TENM2: variants seen among roughly 807,000 people sequenced by gnomAD.
TENM2 encodes teneurin-2.
A neutral mutation model predicts 245.2 loss-of-function variants in TENM2; 52 were observed. The ratio of observed to expected loss-of-function variants is 0.21; its 90% CI spans 0.17 to 0.27. The LOEUF is 0.27. TENM2 is among the 10% of genes least tolerant of loss of function. TENM2 has a pLI of 1.00. For missense variants in TENM2, 3,046 were observed against 3,666.8 expected (o/e 0.83, Z 4.37); for synonymous variants, 1,363 against 1,438.9 (o/e 0.95, Z 1.19).
intron 1 of TENM2, among the ~76,000 whole-genome samples, chr5:167,355,761 A>G (rs1759265946): frequency 6.6e-6 from 1 of 152,190 alleles, no homozygotes; most frequent in Non-Finnish European, 1.5e-5. Context: ...TCAATAGAGA[A>G]CAATTGTCAG....
chr5:167,638,462 G>T (rs1357045148), intron 2 of TENM2, among the ~76,000 whole-genome samples: 2 of 152,134 alleles, frequency 1.3e-5, no homozygotes, highest in Non-Finnish European at 2.9e-5. Flanking sequence ...GTGAGTAAGA[G>T]AAAACTACTG....
intron 4 of TENM2, 103 bp from the exon 7 acceptor site, chr5:167,992,841 T>A (rs1035668433): frequency 2.4e-6 from 2 of 819,740 alleles, no homozygotes; most frequent in African/African-American, 1.7e-5. Context: ...CTTAGTTAAC[T>A]AGGATTATGC....
At chr5:168,148,330 C>T (rs1365254052) in intron 12 of TENM2, among the ~76,000 whole-genome samples, 4 of 152,152 alleles carry the variant, frequency 2.6e-5, no homozygotes, top group Non-Finnish European at 5.9e-5. Flanking sequence ...AAGAGTGGCA[C>T]CTAACAAAAG....
At chr5:168,102,726 G>A (rs1313307842) in intron 9 of TENM2, among the ~76,000 whole-genome samples, 1 of 152,134 alleles carries the variant, frequency 6.6e-6, no homozygotes, top group African/African-American at 2.4e-5. Flanking sequence ...AAAATCCAAT[G>A]ATTAGCACTG....
chr5:168,218,614 C>A lies in TENM2; in HGVS notation c.4723C>A (p.Pro1575Thr), dbSNP rs752993443. ...GATCAGGGCGGTCAGCAAGAACAAG[C>A]CTGTTCTTAATGCCTTCAACCAGTA... Residue 1575 changes from proline to threonine, a missense_variant, in exon 23 of 29, where the codon CCT (proline) becomes ACT (threonine). By Grantham distance (38) the Pro-to-Thr change is conservative (BLOSUM62 -1). Transcript: ENST00000518659. The surrounding 1 kb of genome is among the most constrained non-coding windows in gnomAD (Gnocchi z 5.2). 6.2e-7 allele frequency: 1 copy of A among 1,613,982 alleles called. No individual in the cohort carries two copies. Among genetic ancestry groups the A allele is most frequent in the Non-Finnish European group, 8.5e-7 (1 of 1,179,896 alleles).
intron 9 of TENM2, among the ~76,000 whole-genome samples, chr5:168,100,017 G>C (rs1182312923): frequency 6.6e-6 from 1 of 152,094 alleles, no homozygotes; most frequent in Non-Finnish European, 1.5e-5. Flanking sequence ...TCATGATTTG[G>C]CTCTCTGTTT....
chr5:167,825,316 G>C (rs1767875994), intron 2 of TENM2, among the ~76,000 whole-genome samples: 1 of 151,758 alleles, frequency 6.6e-6, no homozygotes, highest in Non-Finnish European at 1.5e-5. Context: ...TTCTTGGTGG[G>C]GTTTTTTTAT....
intron 2 of TENM2, among the ~76,000 whole-genome samples, chr5:167,543,598 G>A (rs546161675): frequency 1.3e-5 from 2 of 152,246 alleles, no homozygotes; most frequent in African/African-American, 2.4e-5. Context: ...TAGAGCAACT[G>A]CAACAAAGTA....
chr5:167,491,094 G>C (rs896109707), intron 2 of TENM2, among the ~76,000 whole-genome samples: 1 of 152,162 alleles, frequency 6.6e-6, no homozygotes, highest in Non-Finnish European at 1.5e-5. Flanking sequence ...CACTCTCTCA[G>C]ACAGATGGAA....
intron 2 of TENM2, among the ~76,000 whole-genome samples, chr5:167,589,775 A>G (rs1324767690): frequency 6.6e-6 from 1 of 151,896 alleles, no homozygotes; most frequent in Non-Finnish European, 1.5e-5. Context: ...ATTAAATAGC[A>G]CTCAAAAACT....
At chr5:167,321,813 CGGGGGGGGGGGT>C (rs1290654684) in intron 1 of TENM2, among the ~76,000 whole-genome samples, 2 of 3,582 alleles carry the variant, frequency 5.6e-4, no homozygotes, top group Non-Finnish European at 1.0e-3. Flanking sequence ...GGGGGGGGGG[CGGGGGGGGGGGT>C]GGATGGAGTC....
At chr5:168,193,978 G>T (rs577635637) in intron 14 of TENM2, among the ~76,000 whole-genome samples, 3 of 152,340 alleles carry the variant, frequency 2.0e-5, no homozygotes, top group Non-Finnish European at 4.4e-5. Context: ...GATCATCAAA[G>T]GGTTGGAGTT....
chr5:167,363,730 CAAAAA>C (rs10659741), intron 1 of TENM2, among the ~76,000 whole-genome samples: 2 of 89,344 alleles, frequency 2.2e-5, no homozygotes, highest in African/African-American at 8.9e-5. Context: ...GACTCCATCT[CAAAAA>C]AAAAAAAAAA....
chr5:167,350,212 CCTT>C (rs1758738360), intron 1 of TENM2, among the ~76,000 whole-genome samples: 1 of 152,064 alleles, frequency 6.6e-6, no homozygotes, highest in Non-Finnish European at 1.5e-5. Context: ...CCCTGGTCCT[CCTT>C]GTTTGATACA....
chr5:167,160,829 A>C, the TENM2 span, among the ~76,000 whole-genome samples: 1 of 152,238 alleles, frequency 6.6e-6, no homozygotes, highest in South Asian at 2.1e-4. Context: ...GCTAACACAG[A>C]ACCTAGAACA....
the TENM2 span, among the ~76,000 whole-genome samples, chr5:167,096,659 C>G: frequency 6.6e-6 from 1 of 152,202 alleles, no homozygotes; most frequent in African/African-American, 2.4e-5. Flanking sequence ...TCTGTGTTCT[C>G]TGAATTCCAG....
At chr5:167,002,014 T>G in the TENM2 span, among the ~76,000 whole-genome samples, 1 of 152,312 alleles carries the variant, frequency 6.6e-6, no homozygotes, top group South Asian at 2.1e-4. Context: ...ATTCTATTAT[T>G]CACCATAATA....
At chr5:168,212,406 G>T (rs758037044) in intron 20 of TENM2, among the ~76,000 whole-genome samples, 1 of 152,158 alleles carries the variant, frequency 6.6e-6, no homozygotes, top group Non-Finnish European at 1.5e-5. Flanking sequence ...ACACATACAC[G>T]TGCATTCACA....
At chr5:167,781,934 G>A (rs945352320) in intron 2 of TENM2, among the ~76,000 whole-genome samples, 1 of 151,696 alleles carries the variant, frequency 6.6e-6, no homozygotes, top group South Asian at 2.1e-4. Flanking sequence ...AATTGAGCAT[G>A]GGAGGTCAAG....
Sources: allele counts gnomAD v4.1 joint callset (sites outside exome capture counted in the v4.1 genomes callset), GRCh38; gene constraint gnomAD v4.1.1; non-coding constraint Gnocchi (gnomAD v3.1); transcripts MANE v1.5; gene names NCBI Gene and HGNC (gene_info 2026-07-23, HGNC 2026-07-21).